KLHL6: variants seen among roughly 807,000 people sequenced by gnomAD.
KLHL6 encodes the protein kelch like family member 6.
A neutral mutation model predicts 58.6 loss-of-function variants in KLHL6; 41 were observed. The ratio of observed to expected loss-of-function variants is 0.70; its 90% confidence interval spans 0.55 to 0.91. The LOEUF (loss-of-function observed/expected upper bound fraction) is 0.91, where lower values mean the gene tolerates loss of function less well. KLHL6 is among the 40% of genes least tolerant of loss of function. KLHL6 has a pLI of 0.00. For missense variants in KLHL6, 714 were observed against 805.6 expected, an observed-to-expected ratio of 0.89 and a Z score of 1.38; for synonymous variants, 338 against 322.7, an observed-to-expected ratio of 1.05 and a Z score of -0.51.
chr3:183,510,045 T>A (rs540826631), intron 2 of KLHL6, among the ~76,000 whole-genome samples: 65 of 152,344 alleles, frequency 4.3e-4, no homozygotes, highest in Middle Eastern at 3.4e-3. Context: ...TTCAAGTCCC[T>A]TGTGCTTGTA....
intron 1 of KLHL6, among the ~76,000 whole-genome samples, chr3:183,543,876 G>C (rs922799529): frequency 9.2e-5 from 14 of 152,046 alleles, no homozygotes; most frequent in African/African-American, 3.4e-4. Flanking sequence ...TAAAGCCGTA[G>C]CACCAGGCCG....
At chr3:183,495,553 T>C (rs1226563072) in intron 4 of KLHL6, among the ~76,000 whole-genome samples, 1 of 146,708 alleles carries the variant, frequency 6.8e-6, no homozygotes, top group African/African-American at 2.6e-5. Flanking sequence ...GCAACCTTTA[T>C]TAAAACCTAT....
chr3:183,495,292 T>C (rs1463044996), intron 4 of KLHL6, among the ~76,000 whole-genome samples: 2 of 152,190 alleles, frequency 1.3e-5, no homozygotes, highest in Non-Finnish European at 2.9e-5. Context: ...TTGTTGGTGG[T>C]GGTGGTTTTG....
chr3:183,534,609 C>T (rs1391271199), intron 1 of KLHL6, among the ~76,000 whole-genome samples: 4 of 152,008 alleles, frequency 2.6e-5, no homozygotes, highest in African/African-American at 9.7e-5. Flanking sequence ...CACCATGTTG[C>T]CCAGGCTGGT....
chr3:183,538,176 G>A (rs1367616607), intron 1 of KLHL6, among the ~76,000 whole-genome samples: 4 of 152,110 alleles, frequency 2.6e-5, no homozygotes, highest in East Asian at 1.9e-4. Context: ...AACATTCAAC[G>A]TACCTGCACT....
chr3:183,501,074 T>A (rs989920288), intron 3 of KLHL6, among the ~76,000 whole-genome samples: 1 of 152,166 alleles, frequency 6.6e-6, no homozygotes, highest in African/African-American at 2.4e-5. Context: ...ACCACGGCCG[T>A]AAAGTTTGTG....
chr3:183,495,726 A>G (rs1717696115), intron 4 of KLHL6, among the ~76,000 whole-genome samples: 1 of 152,156 alleles, frequency 6.6e-6, no homozygotes, highest in African/African-American at 2.4e-5. Context: ...TCTAAATTTC[A>G]CTGGGAAGAG....
At chr3:183,500,061 G>C (rs941545407) in intron 3 of KLHL6, among the ~76,000 whole-genome samples, 32 of 152,184 alleles carry the variant, frequency 2.1e-4, no homozygotes, top group Non-Finnish European at 4.6e-4. Flanking sequence ...CTTCGCCCAG[G>C]ACCTGGTGCA....
chr3:183,522,251 A>C lies in KLHL6; in HGVS notation c.459+5594T>G, dbSNP rs573412346. 3 of 152,284 alleles carry C rather than the reference A, an allele frequency of 2.0e-5. No individual in the cohort carries two copies. In the South Asian group the frequency reaches 6.3e-4, roughly 32 times the overall value. 9.4% of individuals were successfully genotyped at this position (152,284 alleles called of 1,614,324 possible). A position where few individuals can be genotyped will look rare whatever the true frequency, so the allele number is the denominator to read the frequency against. On this transcript the variant is annotated intron_variant, in intron 2 of 6. Coordinates refer to ENST00000341319, the MANE Select transcript of KLHL6 (RefSeq NM_130446.4). ...TGAGGCAGGAGAATCGCTTGAACCCAGGAGGCAGAGGTTGCGGTGAGCCGA... is the reference window on the plus strand; with the variant it reads ...TGAGGCAGGAGAATCGCTTGAACCCCGGAGGCAGAGGTTGCGGTGAGCCGA...
chr3:183,506,790 T>C (rs750261052), intron 3 of KLHL6, among the ~76,000 whole-genome samples: 15 of 151,836 alleles, frequency 9.9e-5, no homozygotes, highest in Non-Finnish European at 1.8e-4. Flanking sequence ...ATTGCACCAC[T>C]GTACTCCAGC....
At chr3:183,503,646 G>A (rs1199289359) in intron 3 of KLHL6, among the ~76,000 whole-genome samples, 1 of 152,184 alleles carries the variant, frequency 6.6e-6, no homozygotes, top group African/African-American at 2.4e-5. Flanking sequence ...AGGGGTGGTG[G>A]CACATGCCTG....
Position 183,555,608 on chromosome 3 carries a change from C to T in KLHL6, c.46G>A (p.Val16Ile). 1 of 1,612,656 alleles carries T rather than the reference C, an allele frequency of 6.2e-7. No individual in the cohort carries two copies. The highest frequency in any genetic ancestry group is 8.5e-7 in the Non-Finnish European group (1 of 1,179,492). Residue 16 changes from valine (V) to isoleucine (I), a missense_variant, in exon 1 of 7, where the codon GTC (valine) becomes ATC (isoleucine). Physicochemically the swap from Val to Ile is conservative, Grantham distance 29. Coordinates refer to ENST00000341319, the MANE Select transcript of KLHL6 (RefSeq NM_130446.4). ...QRGAWTMGDV[V>I]EKSLEGPLAP... ...AGGGGCCCTTCCAAACTCTTCTCGA[C>T]CACATCACCCATGGTCCAGGCGCCC...
intron 1 of KLHL6, among the ~76,000 whole-genome samples, chr3:183,545,744 C>T (rs1712697880): frequency 6.6e-6 from 1 of 152,230 alleles, no homozygotes; most frequent in Admixed American, 6.5e-5. Flanking sequence ...CATGGCACAT[C>T]TGTATGCAGG....
intron 1 of KLHL6, among the ~76,000 whole-genome samples, chr3:183,552,578 C>T (rs552403656): frequency 6.0e-4 from 91 of 151,928 alleles, no homozygotes; most frequent in Admixed American, 1.0e-3. Flanking sequence ...ATTAGCCGGG[C>T]GTGGTGGCAG....
chr3:183,515,000 A>T (rs1381911476), intron 2 of KLHL6, among the ~76,000 whole-genome samples: 4 of 152,170 alleles, frequency 2.6e-5, no homozygotes, highest in Non-Finnish European at 5.9e-5. Context: ...GAGTTATTAC[A>T]TCTGGGATCA....
chr3:183,550,658 A>G (rs1049263972), intron 1 of KLHL6, among the ~76,000 whole-genome samples: 1 of 151,754 alleles, frequency 6.6e-6, no homozygotes, highest in Admixed American at 6.6e-5. Flanking sequence ...TTAGCCGGGC[A>G]TGGTGGTACA....
intron 2 of KLHL6, among the ~76,000 whole-genome samples, chr3:183,516,589 G>T (rs973877785): frequency 5.3e-5 from 8 of 152,238 alleles, no homozygotes; most frequent in Non-Finnish European, 7.3e-5. Context: ...AGAAAGCACT[G>T]CCTGTTCCTC....
intron 1 of KLHL6, among the ~76,000 whole-genome samples, chr3:183,528,642 T>G (rs781384315): frequency 3.3e-5 from 5 of 152,114 alleles, no homozygotes; most frequent in Admixed American, 2.0e-4. Context: ...GGGAAGAGGA[T>G]AGAAAGGATG....
intron 2 of KLHL6, chr3:183,523,052 C>T (rs936256393): frequency 1.3e-5 from 2 of 152,262 alleles, no homozygotes; most frequent in African/African-American, 4.8e-5. Flanking sequence ...ATCCGCCTGC[C>T]TCAGCCTCCC....
Sources: gnomAD v4.1 joint callset for allele counts (sites outside exome capture counted in the v4.1 genomes callset) on GRCh38, gnomAD v4.1.1 for gene constraint, MANE v1.5 for transcripts, NCBI Gene and HGNC (gene_info 2026-07-23, HGNC 2026-07-21) for gene names.